Variants in ZFAND3 observed in about 807,000 individuals in gnomAD.
The protein encoded by ZFAND3 is AN1-type zinc finger protein 3.
Under a neutral mutation model 29.6 loss-of-function variants are expected in ZFAND3, and 10 were observed. The observed-to-expected ratio is 0.34, with a 90% CI of 0.21 to 0.57. The LOEUF is 0.57. ZFAND3 is among the 20% of genes least tolerant of loss of function. The pLI, the probability that ZFAND3 is intolerant of heterozygous loss-of-function variation, is 0.86. For synonymous variants in ZFAND3, 128 were observed against 112.6 expected (o/e 1.14, Z -0.87); for missense variants, 230 against 304.5 (o/e 0.76, Z 1.82).
At chr6:37,987,439 A>G (rs1449372452) in intron 2 of ZFAND3, among the ~76,000 whole-genome samples, 1 of 152,190 alleles carries the variant, frequency 6.6e-6, no homozygotes. Context: ...GAAACTTTAG[A>G]CCCTGGAGTG....
chr6:38,076,229 T>C (rs1764550873), intron 3 of ZFAND3, among the ~76,000 whole-genome samples: 1 of 152,154 alleles, frequency 6.6e-6, no homozygotes, highest in Non-Finnish European at 1.5e-5. Context: ...TTTATAAAAT[T>C]AAGGTATGTA....
intron 1 of ZFAND3, among the ~76,000 whole-genome samples, chr6:37,873,687 A>C (rs1013293129): frequency 6.6e-6 from 1 of 152,190 alleles, no homozygotes; most frequent in Non-Finnish European, 1.5e-5. Flanking sequence ...GAGCATGTAC[A>C]ATATAAGGTG....
rs187452014 is a variant in ZFAND3 at position 37,925,401 on chromosome 6, C to T, written c.72-4558C>T. Among the ~76,000 whole-genome samples the T allele has an allele frequency of 2.8e-3, 431 of 152,114 alleles. 2 individuals are homozygous for T. The highest frequency in any genetic ancestry group is 9.8e-3 in the African/African-American group (408 of 41,510). On this transcript the variant is annotated intron_variant, in intron 1 of 5. Transcript: ENST00000287218. ...TGTATCTGTAAGACTACAGGAAGGA[C>T]GGGAATCAAAAATGGTTTCTGCTGG...
At chr6:38,031,963 C>T (rs925248904) in intron 2 of ZFAND3, among the ~76,000 whole-genome samples, 4 of 151,934 alleles carry the variant, frequency 2.6e-5, no homozygotes, top group African/African-American at 9.7e-5. Context: ...TCCCAAGTAG[C>T]TGGGACTACA....
chr6:37,819,766 A>C lies in ZFAND3; in HGVS notation c.-180A>C, dbSNP rs1374615791. The C allele has an allele frequency of 4.0e-6, 1 of 249,914 alleles. No homozygotes were observed. Among genetic ancestry groups the C allele is most frequent in the East Asian group, 1.2e-4 (1 of 8,284 alleles). The allele number at this position is 249,914 out of a possible 1,614,324, so 15.5% of individuals were successfully genotyped here. ...AGGCCGAGTGGTGCGGCCCGCCTCCAGCTGACCGGCCTGGAATCCCGGCTC... is the reference window on the plus strand; with the variant it reads ...AGGCCGAGTGGTGCGGCCCGCCTCCCGCTGACCGGCCTGGAATCCCGGCTC... On this transcript the variant is annotated 5_prime_UTR_variant, in exon 1 of 6. Coordinates refer to ENST00000287218, the MANE Select transcript of ZFAND3 (RefSeq NM_021943.3).
intron 3 of ZFAND3, among the ~76,000 whole-genome samples, chr6:38,070,297 C>T (rs1172696750): frequency 6.6e-6 from 1 of 151,798 alleles, no homozygotes; most frequent in Non-Finnish European, 1.5e-5. Context: ...GGTGTCAGGC[C>T]CCTGTAATTC....
chr6:38,022,464 C>T (rs1763370463), intron 2 of ZFAND3, among the ~76,000 whole-genome samples: 1 of 152,206 alleles, frequency 6.6e-6, no homozygotes, highest in Non-Finnish European at 1.5e-5. Flanking sequence ...ATCCTTGCAA[C>T]AGAAATAAGT....
intron 1 of ZFAND3, among the ~76,000 whole-genome samples, chr6:37,880,972 T>C (rs1037730620): frequency 2.1e-4 from 32 of 149,644 alleles, no homozygotes; most frequent in Non-Finnish European, 4.3e-4. Flanking sequence ...GTAACTAACC[T>C]GCACAATGTG....
intron 2 of ZFAND3, among the ~76,000 whole-genome samples, chr6:38,054,050 G>C (rs1764085120): frequency 6.6e-6 from 1 of 151,724 alleles, no homozygotes; most frequent in Admixed American, 6.6e-5. Flanking sequence ...GTAGAGGTGT[G>C]TGTGTGTATA....
rs1420735930 is a variant in ZFAND3 at position 38,061,679 on chromosome 6, GACA to G, written c.207_209del (p.Asn70del). On this transcript the variant is annotated inframe_deletion, in exon 3 of 6. Coordinates refer to ENST00000287218, the MANE Select transcript of ZFAND3 (RefSeq NM_021943.3). ...TTTGTTTTCCGAAGAGACCACCAGT[GACA>G]ACAACAATACCTCGATAACCACGCC... is the stretch of plus-strand genomic sequence containing the variant. 9 of 1,614,148 alleles carry G rather than the reference GACA, an allele frequency of 5.6e-6. No homozygotes were observed. Among genetic ancestry groups the G allele is most frequent in the Admixed American group, 1.7e-5 (1 of 60,016 alleles).
rs551182786 is a variant in ZFAND3 at position 38,007,403 on chromosome 6, C to T, written c.113-54190C>T. ...TCTACAAAAAATACAAAAATTTGTC[C>T]GGCATGATGGTATATTCCTGTAATC... On this transcript the variant is annotated intron_variant, in intron 2 of 5. Coordinates refer to ENST00000287218, the MANE Select transcript of ZFAND3 (RefSeq NM_021943.3). Among the ~76,000 whole-genome samples, 208 of 151,924 alleles carry T rather than the reference C, an allele frequency of 1.4e-3. 1 individual carries two copies. Among genetic ancestry groups the T allele is most frequent in the South Asian group, 4.6e-3 (22 of 4,812 alleles).
intron 2 of ZFAND3, among the ~76,000 whole-genome samples, chr6:37,958,811 C>T (rs1475684944): frequency 6.9e-6 from 1 of 145,716 alleles, no homozygotes; most frequent in Non-Finnish European, 1.5e-5. Context: ...TTGTAAATTT[C>T]CATAGGGATA....
At chr6:38,096,349 T>C (rs1462195692) in intron 4 of ZFAND3, among the ~76,000 whole-genome samples, 1 of 152,062 alleles carries the variant, frequency 6.6e-6, no homozygotes, top group Non-Finnish European at 1.5e-5. Flanking sequence ...ACTTTTGTAT[T>C]TTTAGTAGAG....
At chr6:37,971,219 T>A (rs981157716) in intron 2 of ZFAND3, among the ~76,000 whole-genome samples, 3 of 152,214 alleles carry the variant, frequency 2.0e-5, no homozygotes, top group African/African-American at 7.2e-5. Flanking sequence ...TCTGAGACCT[T>A]TTTTTCTAAG....
intron 2 of ZFAND3, among the ~76,000 whole-genome samples, chr6:38,061,257 C>T (rs1366550730): frequency 6.6e-6 from 1 of 152,164 alleles, no homozygotes; most frequent in African/African-American, 2.4e-5. Context: ...TATGACCTTT[C>T]CTTCTGAAAA....
chr6:37,897,557 A>G (rs1419697826), intron 1 of ZFAND3, among the ~76,000 whole-genome samples: 2 of 152,194 alleles, frequency 1.3e-5, no homozygotes, highest in African/African-American at 4.8e-5. Flanking sequence ...GTCATAGGTT[A>G]TCAATGCTAA....
intron 5 of ZFAND3, among the ~76,000 whole-genome samples, chr6:38,118,788 T>C (rs958033409): frequency 2.0e-5 from 3 of 151,072 alleles, no homozygotes; most frequent in Admixed American, 2.0e-4. Context: ...CAGTAATATA[T>C]GTTAGATGAC....
chr6:38,109,593 A>G (rs1205242432), intron 4 of ZFAND3, among the ~76,000 whole-genome samples: 1 of 152,068 alleles, frequency 6.6e-6, no homozygotes, highest in Non-Finnish European at 1.5e-5. Flanking sequence ...TGTTTCTGGT[A>G]TCATGGTGTA....
chr6:38,144,107 A>G (rs539577406), intron 5 of ZFAND3, among the ~76,000 whole-genome samples: 3 of 148,924 alleles, frequency 2.0e-5, no homozygotes, highest in Non-Finnish European at 4.4e-5. Flanking sequence ...GTACTTACAT[A>G]TGAGCTATGA....
Sources: gnomAD v4.1 joint callset for allele counts (sites outside exome capture counted in the v4.1 genomes callset) on GRCh38, gnomAD v4.1.1 for gene constraint, MANE v1.5 for transcripts, NCBI Gene and HGNC (gene_info 2026-07-23, HGNC 2026-07-21) for gene names.